SLC25A21: variants seen among roughly 807,000 people sequenced by gnomAD.
SLC25A21 encodes the protein mitochondrial 2-oxodicarboxylate carrier.
Under a neutral mutation model 43.8 loss-of-function variants are expected in SLC25A21, and 47 were observed. The observed-to-expected ratio is 1.07, with a 90% CI of 0.85 to 1.37. The LOEUF (loss-of-function observed/expected upper bound fraction) is 1.37, where lower values mean the gene tolerates loss of function less well. SLC25A21 is among the 40% of genes most tolerant of loss of function. SLC25A21 has a pLI of 0.00. For synonymous variants in SLC25A21, 131 were observed against 121.3 expected (o/e 1.08, Z -0.52); for missense variants, 352 against 350.2 (o/e 1.00, Z -0.04).
At chr14:36,748,246 T>C (rs2139253960) in intron 3 of SLC25A21, among the ~76,000 whole-genome samples, 1 of 152,356 alleles carries the variant, frequency 6.6e-6, no homozygotes, top group Middle Eastern at 3.4e-3. Flanking sequence ...TCCCTGACTA[T>C]GCCTCTAATG....
chr14:37,142,799 T>G (rs1355468464), intron 1 of SLC25A21, among the ~76,000 whole-genome samples: 1 of 152,226 alleles, frequency 6.6e-6, no homozygotes, highest in African/African-American at 2.4e-5. Context: ...AATTGTAAAT[T>G]TTCTTCGAAA....
chr14:36,807,157 G>T (rs1012498271), intron 3 of SLC25A21: 2 of 152,184 alleles, frequency 1.3e-5, no homozygotes, highest in Non-Finnish European at 2.9e-5. Context: ...GAATCTGCAT[G>T]GCAGATTATC....
At chr14:36,683,406 C>G (rs1482476980) in intron 9 of SLC25A21, among the ~76,000 whole-genome samples, 1 of 152,212 alleles carries the variant, frequency 6.6e-6, no homozygotes, top group African/African-American at 2.4e-5. Context: ...GCAAGCTGTC[C>G]TCCTTTTCTT....
Position 37,144,950 on chromosome 14 carries a change from TTG to T in SLC25A21, c.70+27329_70+27330del, listed in dbSNP as rs200937039. On this transcript the variant is annotated intron_variant, in intron 1 of 9. Coordinates refer to ENST00000331299, the MANE Select transcript of SLC25A21 (RefSeq NM_030631.4). ...GTTGTTGTTGTTGTTGTTGTTGTTG[TTG>T]TTGTTTGTTTGTTTTTAATATTTGG... Among the ~76,000 whole-genome samples the T allele has an allele frequency of 5.2e-3, 780 of 150,480 alleles. 5 individuals are homozygous for T. Among genetic ancestry groups the T allele is most frequent in the African/African-American group, 0.017 (706 of 41,134 alleles).
chr14:37,047,717 G>A (rs1034964400), intron 1 of SLC25A21, among the ~76,000 whole-genome samples: 2 of 152,146 alleles, frequency 1.3e-5, no homozygotes, highest in African/African-American at 2.4e-5. Context: ...CATTTGACTT[G>A]TTTTGTCCCT....
At chr14:36,727,542 G>A (rs954958917) in intron 5 of SLC25A21, among the ~76,000 whole-genome samples, 4 of 152,166 alleles carry the variant, frequency 2.6e-5, no homozygotes, top group African/African-American at 9.6e-5. Flanking sequence ...ACAAAAATTA[G>A]TTGGGCTTGG....
chr14:36,868,434 A>G (rs1390975015), intron 2 of SLC25A21, among the ~76,000 whole-genome samples: 2 of 152,210 alleles, frequency 1.3e-5, no homozygotes, highest in Admixed American at 1.3e-4. Flanking sequence ...GGGGACCCTT[A>G]GAACACATCA....
chr14:36,734,639 T>C (rs1228068157), intron 3 of SLC25A21, 66 bp from the exon 4 acceptor site: 3 of 1,247,926 alleles, frequency 2.4e-6, no homozygotes, highest in Non-Finnish European at 2.3e-6. Flanking sequence ...CTGACTTTGT[T>C]AAGATAATCC....
In SLC25A21 at chr14:36,774,442, T is replaced by G. The variant is rs555837648; in HGVS notation, c.203+39476A>C. Among the ~76,000 whole-genome samples, 12 of 152,362 alleles carry G rather than the reference T, an allele frequency of 7.9e-5. 1 individual carries two copies. In the East Asian group the frequency reaches 2.3e-3, roughly 29 times the overall value. ...TCAGTACTTTTCCTGAGATTACTTCTGGGAAAGCCAGTATGAGGAAAAGAA... is the reference window on the plus strand; with the variant it reads ...TCAGTACTTTTCCTGAGATTACTTCGGGGAAAGCCAGTATGAGGAAAAGAA... On this transcript the variant is annotated intron_variant, in intron 3 of 9. Coordinates refer to ENST00000331299, the MANE Select transcript of SLC25A21 (RefSeq NM_030631.4).
chr14:36,971,024 A>G (rs1219777914), intron 1 of SLC25A21, among the ~76,000 whole-genome samples: 1 of 152,210 alleles, frequency 6.6e-6, no homozygotes, highest in East Asian at 1.9e-4. Context: ...ATTTCTTAGC[A>G]GAGGAGATAA....
intron 7 of SLC25A21, among the ~76,000 whole-genome samples, chr14:36,685,364 T>A (rs1475770249): frequency 6.6e-6 from 1 of 152,232 alleles, no homozygotes; most frequent in African/African-American, 2.4e-5. Flanking sequence ...GACCCCCAAA[T>A]GTTAAATTAA....
intron 1 of SLC25A21, among the ~76,000 whole-genome samples, chr14:36,983,952 A>C (rs1286003303): frequency 1.3e-5 from 2 of 152,170 alleles, no homozygotes; most frequent in African/African-American, 4.8e-5. Context: ...GTACACATGC[A>C]TATAAAGACG....
intron 2 of SLC25A21, among the ~76,000 whole-genome samples, chr14:36,849,253 A>G (rs1889645193): frequency 6.6e-6 from 1 of 152,140 alleles, no homozygotes; most frequent in Non-Finnish European, 1.5e-5. Flanking sequence ...CTATATGCCC[A>G]TCTGTATTTG....
At chr14:37,025,362 T>C (rs1202798186) in intron 1 of SLC25A21, among the ~76,000 whole-genome samples, 1 of 152,106 alleles carries the variant, frequency 6.6e-6, no homozygotes, top group South Asian at 2.1e-4. Flanking sequence ...AACTACAGAG[T>C]AACACACAAT....
At chr14:37,115,079 C>A (rs1221064081) in intron 1 of SLC25A21, among the ~76,000 whole-genome samples, 2 of 152,138 alleles carry the variant, frequency 1.3e-5, no homozygotes, top group East Asian at 1.9e-4. Flanking sequence ...ATCATCAAGT[C>A]TTTGGCTAAT....
intron 1 of SLC25A21, among the ~76,000 whole-genome samples, chr14:37,156,298 G>T (rs1037368719): frequency 6.6e-6 from 1 of 151,438 alleles, no homozygotes; most frequent in African/African-American, 2.4e-5. Context: ...AGATTCACAG[G>T]TTCTAAAGAC....
At chr14:36,876,916 G>GATAGATAGATAA (rs1555333946) in intron 1 of SLC25A21, among the ~76,000 whole-genome samples, 3 of 137,376 alleles carry the variant, frequency 2.2e-5, no homozygotes, top group African/African-American at 7.8e-5. Context: ...TAGATAGATA[G>GATAGATAGATAA]ATAGATAGAT....
intron 8 of SLC25A21, 81 bp from the exon 9 acceptor site, chr14:36,683,961 C>A: frequency 2.1e-6 from 2 of 955,260 alleles, no homozygotes; most frequent in South Asian, 1.6e-5. Context: ...GATAGGGACC[C>A]AGCATTTAAA....
At chr14:37,032,396 C>T (rs1457865718) in intron 1 of SLC25A21, among the ~76,000 whole-genome samples, 1 of 151,940 alleles carries the variant, frequency 6.6e-6, no homozygotes, top group African/African-American at 2.4e-5. Context: ...ACTAGCCGGG[C>T]GTGGTGGCGT....
Sources: gnomAD v4.1 joint callset for allele counts (sites outside exome capture counted in the v4.1 genomes callset) on GRCh38, gnomAD v4.1.1 for gene constraint, MANE v1.5 for transcripts, NCBI Gene and HGNC (gene_info 2026-07-23, HGNC 2026-07-21) for gene names.